PDE11A: variants seen among roughly 807,000 people sequenced by gnomAD.
PDE11A encodes phosphodiesterase 11A, also known as dual 3',5'-cyclic-AMP and -GMP phosphodiesterase 11A.
A neutral mutation model predicts 100.5 loss-of-function variants in PDE11A; 100 were observed. The ratio of observed to expected loss-of-function variants is 1.00; its 90% confidence interval spans 0.85 to 1.18. The LOEUF (loss-of-function observed/expected upper bound fraction) is 1.18, where lower values mean the gene tolerates loss of function less well. PDE11A is among the 50% of genes most tolerant of loss of function. PDE11A has a pLI of 0.00. For synonymous variants in PDE11A, 381 were observed against 420.8 expected, an observed-to-expected ratio of 0.91 and a Z score of 1.16; for missense variants, 1,141 against 1,152.6, an observed-to-expected ratio of 0.99 and a Z score of 0.15.
intron 2 of PDE11A, among the ~76,000 whole-genome samples, chr2:177,919,101 C>CTTT (rs752351240): frequency 1.3e-5 from 2 of 148,706 alleles, no homozygotes; most frequent in African/African-American, 2.5e-5. Flanking sequence ...GAAGATTTAA[C>CTTT]ATTTTTTTTT....
At chr2:177,962,551 C>G (rs1390060409) in intron 2 of PDE11A, among the ~76,000 whole-genome samples, 1 of 151,990 alleles carries the variant, frequency 6.6e-6, no homozygotes, top group African/African-American at 2.4e-5. Flanking sequence ...AGTGATAGCT[C>G]TAGATTTTAT....
At chr2:177,771,941 G>A (rs2082316651) in intron 9 of PDE11A, among the ~76,000 whole-genome samples, 1 of 152,082 alleles carries the variant, frequency 6.6e-6, no homozygotes, top group African/African-American at 2.4e-5. Context: ...GGCGGAGGTT[G>A]CAGTGAGCCG....
intron 1 of PDE11A, among the ~76,000 whole-genome samples, chr2:178,049,089 A>G (rs1241366645): frequency 6.6e-6 from 1 of 152,234 alleles, no homozygotes; most frequent in Non-Finnish European, 1.5e-5. Flanking sequence ...CAAATATTTG[A>G]ATATTTAAAT....
At chr2:177,846,798 C>T (rs2083608590) in intron 5 of PDE11A, among the ~76,000 whole-genome samples, 1 of 152,174 alleles carries the variant, frequency 6.6e-6, no homozygotes, top group Admixed American at 6.5e-5. Flanking sequence ...AATGGCCCTC[C>T]TTCAAGCTTT....
intron 18 of PDE11A, among the ~76,000 whole-genome samples, chr2:177,667,268 G>C (rs2080603518): frequency 6.6e-6 from 1 of 151,904 alleles, no homozygotes; most frequent in Non-Finnish European, 1.5e-5. Flanking sequence ...AACATCTCTG[G>C]GTCATTTTGT....
chr2:178,076,804 A>ACT (rs1252871104), upstream of PDE11A, among the ~76,000 whole-genome samples: 1 of 152,136 alleles, frequency 6.6e-6, no homozygotes, highest in East Asian at 1.9e-4. Context: ...GGCTGAAGTC[A>ACT]CTCATGTGGC....
intron 2 of PDE11A, among the ~76,000 whole-genome samples, chr2:177,967,969 G>C (rs1001604986): frequency 4.6e-5 from 7 of 152,278 alleles, no homozygotes; most frequent in African/African-American, 1.7e-4. Context: ...CAGAAATTGA[G>C]TCTGAAAGAG....
chr2:177,924,177 A>G (rs908877333), intron 2 of PDE11A, among the ~76,000 whole-genome samples: 1 of 152,214 alleles, frequency 6.6e-6, no homozygotes, highest in Admixed American at 6.5e-5. Context: ...AATATGAGCC[A>G]TGGCTTTAAA....
At chr2:177,821,620 C>T (rs2083142032) in intron 6 of PDE11A, among the ~76,000 whole-genome samples, 1 of 151,650 alleles carries the variant, frequency 6.6e-6, no homozygotes, top group Non-Finnish European at 1.5e-5. Context: ...ATATCATCAC[C>T]AACATTTGAT....
At chr2:177,706,183 A>T (rs1006669492) in intron 13 of PDE11A, among the ~76,000 whole-genome samples, 1 of 152,242 alleles carries the variant, frequency 6.6e-6, no homozygotes, top group African/African-American at 2.4e-5. Context: ...CGAAAGCCAC[A>T]CTTTTTATTG....
intron 18 of PDE11A, among the ~76,000 whole-genome samples, chr2:177,664,257 G>C (rs2080534637): frequency 6.6e-6 from 1 of 152,156 alleles, no homozygotes; most frequent in Non-Finnish European, 1.5e-5. Flanking sequence ...TGCGAATTGG[G>C]TACAGGTCAA....
chr2:177,641,319 GGGTTAT>G lies in PDE11A; in HGVS notation c.2647-11763_2647-11758del, dbSNP rs375934629. On this transcript the variant is annotated intron_variant, in intron 19 of 19. Coordinates refer to ENST00000286063, the MANE Select transcript of PDE11A (RefSeq NM_016953.4). ...AACCATAAAGACTGATGGAAAACTT[GGGTTAT>G]GGTACAAAAACAGAACTTTGAAATG... Among the ~76,000 whole-genome samples, 1,061 of 151,614 alleles carry G rather than the reference GGGTTAT, an allele frequency of 7.0e-3. 6 individuals carry two copies. Among genetic ancestry groups the G allele is most frequent in the African/African-American group, 0.024 (1,007 of 41,430 alleles).
chr2:178,098,252 T>C (rs560920230), intron 2 of PDE11A, among the ~76,000 whole-genome samples: 1 of 152,294 alleles, frequency 6.6e-6, no homozygotes, highest in East Asian at 1.9e-4. Flanking sequence ...ACTGGGACAA[T>C]ATAGTTCTGG....
chr2:178,053,319 C>T (rs1399601379), intron 1 of PDE11A, among the ~76,000 whole-genome samples: 1 of 152,170 alleles, frequency 6.6e-6, no homozygotes, highest in African/African-American at 2.4e-5. Context: ...AACAGCCCTT[C>T]GTGCTAAAAC....
At chr2:178,096,887 A>T (rs926336107) in intron 2 of PDE11A, among the ~76,000 whole-genome samples, 2 of 151,684 alleles carry the variant, frequency 1.3e-5, no homozygotes, top group Non-Finnish European at 2.9e-5. Flanking sequence ...CTGGAGTGGC[A>T]CATTTTGTTT....
intron 6 of PDE11A, among the ~76,000 whole-genome samples, chr2:177,828,782 T>A (rs1204678842): frequency 6.6e-6 from 1 of 152,170 alleles, no homozygotes; most frequent in Admixed American, 6.5e-5. Context: ...GGGTGCCAGA[T>A]GGTGTATGGC....
chr2:178,076,677 C>T (rs1042902776), upstream of PDE11A, among the ~76,000 whole-genome samples: 1 of 152,202 alleles, frequency 6.6e-6, no homozygotes, highest in Non-Finnish European at 1.5e-5. Flanking sequence ...TGTGTGACCA[C>T]TGAGCATCAT....
intron 12 of PDE11A, among the ~76,000 whole-genome samples, chr2:177,714,661 T>C (rs1195379556): frequency 1.3e-5 from 2 of 152,332 alleles, no homozygotes; most frequent in African/African-American, 2.4e-5. Context: ...CTTTCCTATA[T>C]TACCATCCTA....
chr2:177,881,560 A>T (rs1209153454), intron 4 of PDE11A, among the ~76,000 whole-genome samples: 1 of 152,262 alleles, frequency 6.6e-6, no homozygotes, highest in African/African-American at 2.4e-5. Context: ...TACATGTGGC[A>T]TTAGTCCGTG....
Sources: allele counts gnomAD v4.1 joint callset (sites outside exome capture counted in the v4.1 genomes callset), GRCh38; gene constraint gnomAD v4.1.1; transcripts MANE v1.5; gene names NCBI Gene and HGNC (gene_info 2026-07-23, HGNC 2026-07-21).